SLC39A11: variants seen among roughly 807,000 people sequenced by gnomAD.
SLC39A11 encodes solute carrier family 39 member 11.
In SLC39A11, 33 loss-of-function variants were observed where a neutral mutation model predicts 36.1. The observed-to-expected ratio is 0.91, with a 90% CI of 0.69 to 1.22. The LOEUF (loss-of-function observed/expected upper bound fraction) is 1.22, where lower values mean the gene tolerates loss of function less well. Ranked by LOEUF, SLC39A11 falls within the 50% of genes most tolerant of loss-of-function variation. The pLI is 0.00. For missense variants in SLC39A11, 432 were observed against 430.3 expected (o/e 1.00, Z -0.03); for synonymous variants, 166 against 170.3 (o/e 0.97, Z 0.20).
At chr17:72,899,135 T>C (rs1000571723) in intron 5 of SLC39A11, among the ~76,000 whole-genome samples, 1 of 152,186 alleles carries the variant, frequency 6.6e-6, no homozygotes, top group African/African-American at 2.4e-5. Context: ...TTAGCTGTGC[T>C]GCGCTGAAGG....
chr17:72,987,712 T>C (rs1034306205), intron 4 of SLC39A11, among the ~76,000 whole-genome samples: 1 of 152,202 alleles, frequency 6.6e-6, no homozygotes, highest in Non-Finnish European at 1.5e-5. Context: ...CCCCTTCCTC[T>C]TCCACACCAA....
intron 5 of SLC39A11, among the ~76,000 whole-genome samples, chr17:72,867,944 T>C (rs979419708): frequency 3.7e-4 from 56 of 152,268 alleles, no homozygotes; most frequent in East Asian, 1.9e-4. Flanking sequence ...TAAAACAAAA[T>C]TGAAGCTTAG....
chr17:73,084,806 ACC>A lies in SLC39A11; in HGVS notation c.147_147+1del. The A allele has an allele frequency of 6.2e-7, 1 of 1,613,978 alleles. No individual in the cohort carries two copies. Among genetic ancestry groups the A allele is most frequent in the Non-Finnish European group, 8.5e-7 (1 of 1,179,920 alleles). ...CCATTTCTCCTACTACATGCTACTTACCCCTGCAGCAAAGCCAAGACTTCCAT... is the reference window on the plus strand; with the variant it reads ...CCATTTCTCCTACTACATGCTACTTACCTGCAGCAAAGCCAAGACTTCCAT... On this transcript the variant is annotated splice_donor_variant and coding_sequence_variant, in exon 3 of 10. Transcript: ENST00000255559. LOFTEE classifies it high-confidence loss of function.
chr17:73,068,861 C>G (rs1163045847), intron 3 of SLC39A11, among the ~76,000 whole-genome samples: 1 of 152,278 alleles, frequency 6.6e-6, no homozygotes, highest in East Asian at 1.9e-4. Flanking sequence ...CCATCTGCTA[C>G]CAACAGAATG....
chr17:73,074,245 A>C (rs2060248499), intron 3 of SLC39A11, among the ~76,000 whole-genome samples: 1 of 151,748 alleles, frequency 6.6e-6, no homozygotes, highest in Non-Finnish European at 1.5e-5. Context: ...ACTCTAGAAT[A>C]AACCTTTCCA....
At chr17:72,698,855 G>A (rs1444105081) in intron 7 of SLC39A11, among the ~76,000 whole-genome samples, 2 of 152,074 alleles carry the variant, frequency 1.3e-5, no homozygotes, top group Non-Finnish European at 2.9e-5. Context: ...TTTTGAGAGG[G>A]AGTCTCGCTC....
At chr17:72,801,225 CTT>C (rs1404357609) in intron 6 of SLC39A11, among the ~76,000 whole-genome samples, 1 of 152,090 alleles carries the variant, frequency 6.6e-6, no homozygotes, top group Non-Finnish European at 1.5e-5. Flanking sequence ...ATGCTTTTTC[CTT>C]TTCTTTTGTT....
chr17:72,938,533 A>G (rs2084909262), intron 5 of SLC39A11, among the ~76,000 whole-genome samples: 1 of 152,216 alleles, frequency 6.6e-6, no homozygotes, highest in Non-Finnish European at 1.5e-5. Flanking sequence ...TAAAGATCCC[A>G]AGCACTCAAA....
At chr17:72,908,281 T>C (rs889020925) in intron 5 of SLC39A11, among the ~76,000 whole-genome samples, 9 of 152,192 alleles carry the variant, frequency 5.9e-5, no homozygotes, top group Admixed American at 5.2e-4. Context: ...CCTCCACTTT[T>C]TCTCAGATAA....
chr17:72,905,041 C>G (rs1039894025), intron 5 of SLC39A11, among the ~76,000 whole-genome samples: 1 of 151,732 alleles, frequency 6.6e-6, no homozygotes, highest in Non-Finnish European at 1.5e-5. Context: ...GGCGAGGTGG[C>G]GGGCACCTGT....
intron 4 of SLC39A11, among the ~76,000 whole-genome samples, chr17:72,981,798 A>G (rs1170264327): frequency 2.0e-5 from 3 of 152,052 alleles, no homozygotes; most frequent in Non-Finnish European, 4.4e-5. Context: ...AATATTGCAG[A>G]TAATTTTCTG....
intron 7 of SLC39A11, among the ~76,000 whole-genome samples, chr17:72,666,598 C>T (rs370295655): frequency 6.6e-5 from 10 of 152,340 alleles, no homozygotes; most frequent in South Asian, 2.1e-4. Context: ...CTTGTTTAGA[C>T]GGATCTATAC....
chr17:72,739,624 A>G (rs1226849649), intron 6 of SLC39A11, among the ~76,000 whole-genome samples: 1 of 152,158 alleles, frequency 6.6e-6, no homozygotes, highest in East Asian at 1.9e-4. Flanking sequence ...AGACAGCAGC[A>G]TCAAGCCTTC....
At chr17:72,698,065 C>T (rs776797881) in intron 7 of SLC39A11, among the ~76,000 whole-genome samples, 20 of 152,168 alleles carry the variant, frequency 1.3e-4, no homozygotes, top group Non-Finnish European at 1.9e-4. Flanking sequence ...TTGTTCTACG[C>T]GGGCCTGGTT....
rs34998299 is a variant in SLC39A11 at position 72,849,810 on chromosome 17, C to CAA, written c.431-8_431-7dup. 341 of 1,322,584 alleles carry CAA rather than the reference C, an allele frequency of 2.6e-4. No individual in the cohort carries two copies. Among genetic ancestry groups the CAA allele is most frequent in the South Asian group, 1.2e-3 (66 of 56,328 alleles). The allele number at this position is 1,322,584 out of a possible 1,614,324, so 81.9% of individuals were successfully genotyped here. A position where few individuals can be genotyped will look rare whatever the true frequency, so the allele number is the denominator to read the frequency against. On this transcript the variant is annotated splice_polypyrimidine_tract_variant and splice_region_variant and intron_variant, in intron 5 of 9. Transcript: ENST00000255559. ...CTCACCATTCTCACTCTTGTCTGAG[C>CAA]AAAAAAAAAAAAAAAGAGAGATGGG...
intron 4 of SLC39A11, among the ~76,000 whole-genome samples, chr17:72,982,317 C>T (rs1445111445): frequency 2.0e-5 from 3 of 152,112 alleles, no homozygotes; most frequent in Non-Finnish European, 4.4e-5. Flanking sequence ...CTTTCAGAAA[C>T]TTAGTTTTAT....
intron 5 of SLC39A11, among the ~76,000 whole-genome samples, chr17:72,851,242 T>C (rs887078212): frequency 5.3e-5 from 8 of 152,232 alleles, no homozygotes; most frequent in African/African-American, 1.9e-4. Flanking sequence ...AATGTCATTC[T>C]TAGAACCTTA....
At chr17:72,931,604 G>A (rs1487309215) in intron 5 of SLC39A11, among the ~76,000 whole-genome samples, 6 of 152,192 alleles carry the variant, frequency 3.9e-5, no homozygotes, top group Non-Finnish European at 5.9e-5. Context: ...TCAGCTGCCC[G>A]GCCCCCTCCC....
chr17:72,791,755 T>C (rs1399434151), intron 6 of SLC39A11, among the ~76,000 whole-genome samples: 1 of 152,188 alleles, frequency 6.6e-6, no homozygotes, highest in Admixed American at 6.5e-5. Context: ...AGCAAGTGAG[T>C]TCTCACAAGA....
Sources: gnomAD v4.1 joint callset for allele counts (sites outside exome capture counted in the v4.1 genomes callset) on GRCh38, gnomAD v4.1.1 for gene constraint, MANE v1.5 for transcripts, NCBI Gene and HGNC (gene_info 2026-07-23, HGNC 2026-07-21) for gene names.